Variants in ERO1B observed in about 807,000 individuals in gnomAD.
The protein encoded by ERO1B is endoplasmic reticulum oxidoreductase 1 beta.
ERO1B carries 49 observed loss-of-function variants against 75.3 expected under a neutral mutation model. The observed-to-expected ratio is 0.65, with a 90% confidence interval of 0.52 to 0.83. The LOEUF (loss-of-function observed/expected upper bound fraction) is 0.83, where lower values mean the gene tolerates loss of function less well. Ranked by LOEUF, ERO1B falls within the 40% of genes least tolerant of loss-of-function variation. The pLI is 0.00. For synonymous variants in ERO1B, 191 were observed against 192.9 expected (o/e 0.99, Z 0.08); for missense variants, 512 against 560.1 (o/e 0.91, Z 0.87).
Position 236,273,980 on chromosome 1 carries a change from ATTT to A in ERO1B, c.103-3989_103-3987del, listed in dbSNP as rs71176477. On this transcript the variant is annotated intron_variant, in intron 1 of 15. Transcript: ENST00000354619. ...GGGACTTACTGTTGAGCCATATCCT[ATTT>A]TTTTTTTTTTTTTTTTTTGAGACAG... is the stretch of plus-strand genomic sequence containing the variant. Among the ~76,000 whole-genome samples the A allele has an allele frequency of 3.8e-3, 355 of 94,474 alleles. 1 individual carries two copies. The highest frequency in any genetic ancestry group is 0.016 in the Middle Eastern group (3 of 192). 62.0% of individuals were successfully genotyped at this position (94,474 alleles called of 152,430 possible). A position where few individuals can be genotyped will look rare whatever the true frequency, so the allele number is the denominator to read the frequency against.
chr1:236,261,517 TCC>T (rs1185276506), intron 2 of ERO1B, among the ~76,000 whole-genome samples: 3 of 149,890 alleles, frequency 2.0e-5, no homozygotes, highest in African/African-American at 7.4e-5. Context: ...CAATGAACAA[TCC>T]CCCCCAAAAT....
At chr1:236,255,303 C>CT (rs1665136450) in intron 2 of ERO1B, among the ~76,000 whole-genome samples, 1 of 152,078 alleles carries the variant, frequency 6.6e-6, no homozygotes, top group Non-Finnish European at 1.5e-5. Context: ...ACGGCTCACT[C>CT]TTTCGCCGCA....
At chr1:236,223,164 T>G (rs567245826) in intron 13 of ERO1B, among the ~76,000 whole-genome samples, 2 of 136,252 alleles carry the variant, frequency 1.5e-5, no homozygotes, top group Non-Finnish European at 3.0e-5. Flanking sequence ...ATCGCACCAC[T>G]GCACTCCAGC....
chr1:236,281,474 G>A, intron 1 of ERO1B: 1 of 393,404 alleles, frequency 2.5e-6, no homozygotes, highest in Non-Finnish European at 4.5e-6. Context: ...TACCCGGAGT[G>A]TCGCCGTCCC....
intron 6 of ERO1B, among the ~76,000 whole-genome samples, chr1:236,241,959 T>G (rs1327375154): frequency 6.6e-6 from 1 of 151,370 alleles, no homozygotes; most frequent in Non-Finnish European, 1.5e-5. Context: ...TCCCAGCTAC[T>G]CGGGAGGCTG....
chr1:236,221,215 A>G (rs1471189734), intron 14 of ERO1B, among the ~76,000 whole-genome samples: 1 of 152,168 alleles, frequency 6.6e-6, no homozygotes. Flanking sequence ...AATTATTAAA[A>G]TGACTTTTTT....
intron 1 of ERO1B, among the ~76,000 whole-genome samples, chr1:236,272,167 G>A (rs1665604029): frequency 6.6e-6 from 1 of 152,142 alleles, no homozygotes; most frequent in African/African-American, 2.4e-5. Flanking sequence ...AGAACTAAAA[G>A]TAGAACCATC....
chr1:236,229,085 T>A (rs1459881509), intron 10 of ERO1B, among the ~76,000 whole-genome samples: 1 of 152,178 alleles, frequency 6.6e-6, no homozygotes, highest in East Asian at 1.9e-4. Flanking sequence ...TGCACATCAA[T>A]AATGTTCACC....
chr1:236,276,498 G>A (rs969802846), intron 1 of ERO1B, among the ~76,000 whole-genome samples: 19 of 152,306 alleles, frequency 1.2e-4, no homozygotes, highest in African/African-American at 4.6e-4. Flanking sequence ...TATCCAGGAT[G>A]TCAGAATAAA....
In ERO1B at chr1:236,269,921, G is replaced by A; in HGVS notation, c.176C>T (p.Pro59Leu). ...IDNFNTYKIF[P>L]KIKKLQERDY... The stretch of plus-strand genomic sequence containing the variant: ...TCTCTCTTGCAATTTTTTTATTTTG[G>A]GGAAGATTTTGTAGGTATTGAAGTT... Residue 59 changes from proline (P) to leucine (L), a missense_variant, in exon 2 of 16, where the codon CCC becomes CTC. Transcript: ENST00000354619. 1 of 1,603,410 alleles carries A rather than the reference G, an allele frequency of 6.2e-7. No homozygotes were observed. The highest frequency in any genetic ancestry group is 8.5e-7 in the Non-Finnish European group (1 of 1,170,890).
At chr1:236,231,633 GT>G (rs5781871) in intron 9 of ERO1B, among the ~76,000 whole-genome samples, 10,308 of 150,584 alleles carry the variant, frequency 0.068, 735 homozygotes, top group East Asian at 0.39. Context: ...CCTTGATGTT[GT>G]TTTTTTTTAA....
intron 13 of ERO1B, 135 bp downstream of exon 13, chr1:236,224,935 T>C (rs1664240538): frequency 3.9e-6 from 3 of 767,442 alleles, no homozygotes; most frequent in Non-Finnish European, 6.6e-6. Flanking sequence ...TTTTGTACCA[T>C]TTGTATTAAA....
At chr1:236,248,461 G>T (rs533159316) in intron 5 of ERO1B, among the ~76,000 whole-genome samples, 1 of 152,266 alleles carries the variant, frequency 6.6e-6, no homozygotes, top group Admixed American at 6.5e-5. Context: ...AATGCTCAAG[G>T]TGGCATGTTT....
intron 1 of ERO1B, among the ~76,000 whole-genome samples, chr1:236,277,933 T>A (rs1665746216): frequency 6.6e-6 from 1 of 152,200 alleles, no homozygotes; most frequent in Non-Finnish European, 1.5e-5. Flanking sequence ...TTTCTTTTTA[T>A]TTGAACACAT....
Position 236,221,933 on chromosome 1 carries a change from T to C in ERO1B, c.1200A>G (p.Gly400=). ...AAGACAACACATATACCTGTAATTT[T>C]CCCCATAATCTGCATTTGTCACATC... ...CVGCDKCRLW[G]KLQTQGLGTA... The change falls in exon 14 of 16, where the codon GGA becomes GGG. Residue 400 remains glycine, a synonymous_variant. Transcript: ENST00000354619. 1.9e-6 allele frequency: 3 copies of C among 1,612,788 alleles called. No individual in the cohort carries two copies. The highest frequency in any genetic ancestry group is 2.5e-6 in the Non-Finnish European group (3 of 1,178,930).
chr1:236,220,898 T>C lies in ERO1B; in HGVS notation c.1277A>G (p.Asn426Ser). Residue 426 changes from asparagine to serine, a missense_variant, in exon 15 of 16, where the codon AAT becomes AGT. Physicochemically the swap from Asn to Ser is conservative, Grantham distance 46. Coordinates refer to ENST00000354619, the MANE Select transcript of ERO1B (RefSeq NM_019891.4). ...GAGTTGGAAGCCTTTAGATGGACTA[T>C]TCTCTGGAAGCTTTTGGATTTCTTT... ...SEKEIQKLPE[N>S]SPSKGFQLTR... is the part of the protein sequence containing the mutation. The C allele has an allele frequency of 6.2e-7, 1 of 1,604,802 alleles. No individual in the cohort carries two copies. Among genetic ancestry groups the C allele is most frequent in the African/African-American group, 1.3e-5 (1 of 74,686 alleles).
intron 5 of ERO1B, among the ~76,000 whole-genome samples, chr1:236,246,990 A>C (rs1026341395): frequency 1.3e-5 from 2 of 152,248 alleles, no homozygotes; most frequent in African/African-American, 4.8e-5. Context: ...ACATTATATA[A>C]AGAATGCTTA....
chr1:236,221,970 A>G lies in ERO1B; in HGVS notation c.1163T>C (p.Met388Thr). 1 of 1,613,822 alleles carries G rather than the reference A, an allele frequency of 6.2e-7. No individual in the cohort carries two copies. Among genetic ancestry groups the G allele is most frequent in the South Asian group, 1.1e-5 (1 of 91,074 alleles). Residue 388 changes from methionine (M) to threonine (T), a missense_variant, in exon 14 of 16, where the codon ATG becomes ACG. Transcript: ENST00000354619. ...GCATTTGTCACATCCAACACAGTCC[A>G]TTATACGGGAGATATTCTTGAAATG... is the stretch of plus-strand genomic sequence containing the variant. ...RLHFKNISRI[M>T]DCVGCDKCRL...
At chr1:236,230,892 C>T (rs931179096) in intron 9 of ERO1B, among the ~76,000 whole-genome samples, 6 of 151,520 alleles carry the variant, frequency 4.0e-5, no homozygotes, top group Admixed American at 6.6e-5. Context: ...CCCAGGAGAT[C>T]GGATCCAACC....
Sources: gnomAD v4.1 joint callset for allele counts (sites outside exome capture counted in the v4.1 genomes callset) on GRCh38, gnomAD v4.1.1 for gene constraint, MANE v1.5 for transcripts, NCBI Gene and HGNC (gene_info 2026-07-23, HGNC 2026-07-21) for gene names.